The following RILPL2 variants were observed in gnomAD, a reference collection of about 807,000 sequenced individuals.
The protein encoded by RILPL2 is Rab interacting lysosomal protein like 2, also known as RILP-like protein 2.
RILPL2 carries 19 observed loss-of-function variants against 22.2 expected under a neutral mutation model. The observed-to-expected ratio is 0.86, with a 90% confidence interval of 0.60 to 1.25. The LOEUF (loss-of-function observed/expected upper bound fraction) is 1.25. RILPL2 is among the 50% of genes most tolerant of loss of function. The pLI is 0.00. For missense variants in RILPL2, 243 were observed against 263.6 expected, an observed-to-expected ratio of 0.92 and a Z score of 0.54; for synonymous variants, 123 against 111.6, an observed-to-expected ratio of 1.10 and a Z score of -0.64.
At chr12:123,428,485 A>C (rs933909106) in intron 2 of RILPL2, among the ~76,000 whole-genome samples, 2 of 152,230 alleles carry the variant, frequency 1.3e-5, no homozygotes, top group Non-Finnish European at 1.5e-5. Flanking sequence ...ACACGGTTCC[A>C]ACCTCAGCAA....
chr12:123,411,028 A>G (rs1248544476), downstream of RILPL2: 1 of 150,566 alleles, frequency 6.6e-6, no homozygotes, highest in East Asian at 2.0e-4. Flanking sequence ...TGCCTGACTT[A>G]TTTTTATTTA....
chr12:123,424,743 G>A (rs780747543), intron 2 of RILPL2, among the ~76,000 whole-genome samples: 5 of 152,170 alleles, frequency 3.3e-5, no homozygotes, highest in Non-Finnish European at 5.9e-5. Flanking sequence ...TTTCAATTAC[G>A]GCACAGTACA....
intron 3 of RILPL2, among the ~76,000 whole-genome samples, chr12:123,420,732 C>T (rs1409219954): frequency 6.6e-6 from 1 of 152,122 alleles, no homozygotes; most frequent in Admixed American, 6.6e-5. Flanking sequence ...CCACTGCGCC[C>T]GGTCGAGTTT....
intron 1 of RILPL2, among the ~76,000 whole-genome samples, chr12:123,431,392 C>T (rs1037478095): frequency 4.0e-5 from 1 of 24,826 alleles, no homozygotes; most frequent in African/African-American, 1.9e-4. Flanking sequence ...ACTGGGGGGC[C>T]GGGGGAGGGG....
chr12:123,424,331 A>ATTTTTTTTTTTTTTTTTTTTTTT, intron 2 of RILPL2, among the ~76,000 whole-genome samples: 1 of 135,174 alleles, frequency 7.4e-6, no homozygotes, highest in Non-Finnish European at 1.6e-5. Flanking sequence ...TAAGAGTTAG[A>ATTTTTTTTTTTTTTTTTTTTTTT]TTTTTTTTTT....
chr12:123,435,932 A>T (rs1479182871), intron 1 of RILPL2, 150 bp downstream of exon 1: 7 of 1,219,842 alleles, frequency 5.7e-6, no homozygotes, highest in Non-Finnish European at 6.6e-6. Context: ...GTTTGAGACC[A>T]GCCTGGGCAA....
intron 2 of RILPL2, among the ~76,000 whole-genome samples, chr12:123,427,897 G>C (rs1179669135): frequency 6.6e-6 from 1 of 152,108 alleles, no homozygotes; most frequent in Non-Finnish European, 1.5e-5. Context: ...CCTTCAAATG[G>C]ATGCAGTTGC....
At chr12:123,427,383 C>T (rs1352972639) in intron 2 of RILPL2, among the ~76,000 whole-genome samples, 1 of 152,098 alleles carries the variant, frequency 6.6e-6, no homozygotes, top group Non-Finnish European at 1.5e-5. Flanking sequence ...CCTGTTCTCA[C>T]AGTCAAAGCA....
Position 123,426,925 on chromosome 12 carries a change from C to CT in RILPL2, c.491+3582dup, listed in dbSNP as rs398056032. Reference sequence around the variant, plus strand: ...CCGACTCTTTCTTATAATTGGCTTTCTTTTTTTTTTTTTTTAGATCAGATC... The same window carrying CT: ...CCGACTCTTTCTTATAATTGGCTTTCTTTTTTTTTTTTTTTTAGATCAGATC... On this transcript the variant is annotated intron_variant, in intron 2 of 3. Coordinates refer to ENST00000280571, the MANE Select transcript of RILPL2 (RefSeq NM_145058.3). 7.6e-3 allele frequency among the ~76,000 whole-genome samples: 1,077 copies of CT among 141,168 alleles called. 7 individuals are homozygous for CT. Among genetic ancestry groups the CT allele is most frequent in the African/African-American group, 0.019 (732 of 38,614 alleles). 92.6% of individuals were successfully genotyped at this position (141,168 alleles called of 152,430 possible).
intron 3 of RILPL2, among the ~76,000 whole-genome samples, chr12:123,419,582 A>G (rs1879216693): frequency 6.6e-6 from 1 of 151,024 alleles, no homozygotes; most frequent in Non-Finnish European, 1.5e-5. Flanking sequence ...TCTGGTTATC[A>G]AGAGGATATT....
At chr12:123,427,904 T>C (rs1039894374) in intron 2 of RILPL2, among the ~76,000 whole-genome samples, 1 of 152,154 alleles carries the variant, frequency 6.6e-6, no homozygotes, top group African/African-American at 2.4e-5. Context: ...ATGGATGCAG[T>C]TGCTATGAGA....
intron 1 of RILPL2, among the ~76,000 whole-genome samples, chr12:123,431,976 C>G (rs1879664973): frequency 6.6e-6 from 1 of 151,622 alleles, no homozygotes; most frequent in African/African-American, 2.4e-5. Flanking sequence ...CTCACTGCAA[C>G]CTCTGTCTCC....
chr12:123,425,020 C>T (rs1241964624), intron 2 of RILPL2, among the ~76,000 whole-genome samples: 2 of 151,958 alleles, frequency 1.3e-5, no homozygotes, highest in Non-Finnish European at 2.9e-5. Context: ...GCTGGGACTA[C>T]AGGCGTCCGC....
chr12:123,436,245 G>T lies in RILPL2; in HGVS notation c.176C>A (p.Pro59His). ...GRELMALGSD[P>H]RVTQLQFKVV... ...TTTGAACTGCAGCTGCGTCACCCGG[G>T]GGTCGCTGCCCAGGGCCATAAGCTC... Residue 59 changes from proline (P) to histidine (H), a missense_variant, in exon 1 of 4, where the codon CCC (proline) becomes CAC (histidine). Coordinates refer to ENST00000280571, the MANE Select transcript of RILPL2 (RefSeq NM_145058.3). The surrounding 1 kb of genome is among the most constrained non-coding windows in gnomAD (Gnocchi z 6.7). The T allele has an allele frequency of 6.2e-7, 1 of 1,611,788 alleles. No individual in the cohort carries two copies.
chr12:123,417,146 A>G (rs1480646089), intron 3 of RILPL2, among the ~76,000 whole-genome samples: 1 of 151,868 alleles, frequency 6.6e-6, no homozygotes, highest in Non-Finnish European at 1.5e-5. Context: ...CAAAAATACA[A>G]AAATTAGCTG....
chr12:123,436,515 A>G lies in RILPL2; in HGVS notation c.-95T>C. On this transcript the variant is annotated 5_prime_UTR_variant, in exon 1 of 4. Coordinates refer to ENST00000280571, the MANE Select transcript of RILPL2 (RefSeq NM_145058.3). The surrounding 1 kb of genome is among the most constrained non-coding windows in gnomAD (Gnocchi z 6.7). ...GCACCCAAAACTTTCCGCTGGGCAG[A>G]GTCCCTACCTGCCCAATCAGCGCGG... is the stretch of plus-strand genomic sequence containing the variant. 6.8e-7 allele frequency: 1 copy of G among 1,470,262 alleles called. No homozygotes were observed. Among genetic ancestry groups the G allele is most frequent in the Non-Finnish European group, 9.0e-7 (1 of 1,111,476 alleles). 91.1% of individuals were successfully genotyped at this position (1,470,262 alleles called of 1,614,324 possible). A position where few individuals can be genotyped will look rare whatever the true frequency, so the allele number is the denominator to read the frequency against.
Position 123,430,609 on chromosome 12 carries a change from T to C in RILPL2, c.390A>G (p.Arg130=), listed in dbSNP as rs1879615824. The C allele has an allele frequency of 6.2e-7, 1 of 1,610,686 alleles. No homozygotes were observed. Among genetic ancestry groups the C allele is most frequent in the South Asian group, 1.1e-5 (1 of 90,872 alleles). The change falls in exon 2 of 4, where the codon CGA becomes CGG. Residue 130 remains arginine (R), a synonymous_variant. Coordinates refer to ENST00000280571, the MANE Select transcript of RILPL2 (RefSeq NM_145058.3). The part of the protein sequence containing the change: ...KMVVDLTDPN[R]PRFTLQELRD... Reference sequence around the variant, plus strand: ...TTAGCTCCTGCAGAGTGAAGCGGGGTCGGTTGGGATCTGTCAGGTCAACCA... The same window carrying C: ...TTAGCTCCTGCAGAGTGAAGCGGGGCCGGTTGGGATCTGTCAGGTCAACCA...
chr12:123,430,966 T>C (rs1399961341), intron 1 of RILPL2, among the ~76,000 whole-genome samples: 1 of 152,126 alleles, frequency 6.6e-6, no homozygotes, highest in East Asian at 1.9e-4. Context: ...CCCAAAGTGC[T>C]GGGATTACAG....
chr12:123,410,726 A>C (rs553988850), downstream of RILPL2: 13 of 151,098 alleles, frequency 8.6e-5, no homozygotes, highest in Non-Finnish European at 1.2e-4. Flanking sequence ...AAAAAAAAAA[A>C]ACAACACTTG....
Sources: gnomAD v4.1 joint callset for allele counts (sites outside exome capture counted in the v4.1 genomes callset) on GRCh38, gnomAD v4.1.1 for gene constraint, Gnocchi (gnomAD v3.1) non-coding constraint, MANE v1.5 for transcripts, NCBI Gene and HGNC (gene_info 2026-07-23, HGNC 2026-07-21) for gene names.